Variants in ANKS1B observed in about 807,000 individuals in gnomAD.
The protein encoded by ANKS1B is ankyrin repeat and sterile alpha motif domain containing 1B.
Under a neutral mutation model 148.3 loss-of-function variants are expected in ANKS1B, and 36 were observed. The observed-to-expected ratio is 0.24, with a 90% CI of 0.19 to 0.32. The LOEUF is 0.32. Among genes scored for constraint, ANKS1B ranks in the 10% least tolerant of loss-of-function variants. The pLI is 1.00. For synonymous variants in ANKS1B, 542 were observed against 560.8 expected (o/e 0.97, Z 0.47); for missense variants, 1,157 against 1,542.6 (o/e 0.75, Z 4.19).
chr12:98,871,889 G>T (rs887933682), intron 17 of ANKS1B, among the ~76,000 whole-genome samples: 8 of 152,152 alleles, frequency 5.3e-5, no homozygotes, highest in African/African-American at 1.9e-4. Context: ...CTTGTACACT[G>T]TCACATGTCC....
chr12:98,855,672 A>T (rs1191865201), intron 17 of ANKS1B, among the ~76,000 whole-genome samples: 1 of 152,252 alleles, frequency 6.6e-6, no homozygotes, highest in Non-Finnish European at 1.5e-5. Context: ...CTGGCTTAAA[A>T]GCTGGGACTA....
At chr12:99,365,137 T>C (rs1200681971) in intron 12 of ANKS1B, among the ~76,000 whole-genome samples, 1 of 152,108 alleles carries the variant, frequency 6.6e-6, no homozygotes, top group African/African-American at 2.4e-5. Flanking sequence ...GCATCTTGGG[T>C]GCCAGTGGCT....
chr12:99,394,293 A>G (rs1327323028), intron 12 of ANKS1B, among the ~76,000 whole-genome samples: 1 of 152,118 alleles, frequency 6.6e-6, no homozygotes, highest in African/African-American at 2.4e-5. Flanking sequence ...TGCACCCACA[A>G]CCAAAACATC....
chr12:98,824,233 C>T (rs972393849), intron 19 of ANKS1B, among the ~76,000 whole-genome samples: 3 of 152,200 alleles, frequency 2.0e-5, no homozygotes, highest in African/African-American at 4.8e-5. Context: ...ACCCAGATCC[C>T]TCTGCATCGT....
chr12:99,109,688 G>T (rs527359764), intron 15 of ANKS1B, among the ~76,000 whole-genome samples: 1 of 152,256 alleles, frequency 6.6e-6, no homozygotes, highest in Admixed American at 6.5e-5. Context: ...AGAGAAGTAA[G>T]GTGTGACTAA....
chr12:99,144,662 A>C (rs2153806040), intron 15 of ANKS1B, among the ~76,000 whole-genome samples: 1 of 152,160 alleles, frequency 6.6e-6, no homozygotes, highest in East Asian at 1.9e-4. Flanking sequence ...GTGGATATAG[A>C]TACACATCCT....
intron 9 of ANKS1B, among the ~76,000 whole-genome samples, chr12:99,534,442 A>T (rs146121222): frequency 1.1e-3 from 173 of 152,350 alleles, no homozygotes; most frequent in African/African-American, 4.0e-3. Flanking sequence ...AAAAATAATG[A>T]TGAATCCATA....
chr12:99,686,414 C>T (rs1057361098), intron 8 of ANKS1B, among the ~76,000 whole-genome samples: 3 of 152,156 alleles, frequency 2.0e-5, no homozygotes, highest in African/African-American at 2.4e-5. Flanking sequence ...GATGGTTTCT[C>T]GACTTTGCTT....
At chr12:99,722,611 G>A (rs1567718103) in intron 8 of ANKS1B, among the ~76,000 whole-genome samples, 2 of 152,176 alleles carry the variant, frequency 1.3e-5, no homozygotes, top group Admixed American at 1.3e-4. Context: ...GCTCTGACTG[G>A]AGGTGTACAA....
intron 14 of ANKS1B, among the ~76,000 whole-genome samples, chr12:99,241,636 G>T (rs1370668760): frequency 1.3e-5 from 2 of 152,206 alleles, no homozygotes; most frequent in Admixed American, 6.5e-5. Flanking sequence ...GAACATTGAT[G>T]TGAAAATCCT....
chr12:98,891,768 T>C (rs1474932886), intron 17 of ANKS1B, among the ~76,000 whole-genome samples: 1 of 152,202 alleles, frequency 6.6e-6, no homozygotes, highest in Non-Finnish European at 1.5e-5. Flanking sequence ...TTTCAGTTTA[T>C]TGATATATAC....
intron 12 of ANKS1B, among the ~76,000 whole-genome samples, chr12:99,284,463 T>C (rs1317399464): frequency 1.3e-5 from 2 of 152,204 alleles, no homozygotes; most frequent in Non-Finnish European, 2.9e-5. Context: ...ATATTCCAAA[T>C]TATAAGTCCC....
intron 1 of ANKS1B, among the ~76,000 whole-genome samples, chr12:99,865,292 G>A (rs958735960): frequency 1.3e-5 from 2 of 152,112 alleles, no homozygotes; most frequent in Non-Finnish European, 2.9e-5. Context: ...GAGCTAACTA[G>A]TGTCATGTTA....
chr12:99,139,222 T>G (rs2069250278), intron 15 of ANKS1B, among the ~76,000 whole-genome samples: 1 of 144,912 alleles, frequency 6.9e-6, no homozygotes, highest in South Asian at 2.2e-4. Context: ...TTCCTTCTCT[T>G]TCTTTCCTTC....
At position 98,996,012 on chromosome 12, in the gene ANKS1B, CGAAGGACTAGAGGGAACAATTGCTG is replaced by C. The variant is rs1245998823; in HGVS notation, c.2778+57120_2778+57144del. On this transcript the variant is annotated intron_variant, in intron 17 of 26. Coordinates refer to ENST00000683438, the MANE Select transcript of ANKS1B (RefSeq NM_001352186.2). ...TAGCCATGGCTGGGGAAAGAACTAC[CGAAGGACTAGAGGGAACAATTGCTG>C]GAACTCATCTGGGGCTGGAATAGTT... is the stretch of plus-strand genomic sequence containing the variant. Among the ~76,000 whole-genome samples, 4 of 151,650 alleles carry C rather than the reference CGAAGGACTAGAGGGAACAATTGCTG, an allele frequency of 2.6e-5. No homozygotes were observed. The East Asian group carries it at 7.8e-4, about 29-fold the overall frequency.
At chr12:98,854,305 T>C (rs1354149426) in intron 17 of ANKS1B, among the ~76,000 whole-genome samples, 1 of 152,252 alleles carries the variant, frequency 6.6e-6, no homozygotes, top group African/African-American at 2.4e-5. Flanking sequence ...TGGTACTGTA[T>C]GGAACAATTT....
chr12:99,096,726 T>C (rs2056281827), intron 15 of ANKS1B, among the ~76,000 whole-genome samples: 1 of 152,198 alleles, frequency 6.6e-6, no homozygotes, highest in African/African-American at 2.4e-5. Flanking sequence ...CACTGAATAA[T>C]ATTACTCAAC....
At chr12:99,300,018 C>T (rs937382227) in intron 12 of ANKS1B, among the ~76,000 whole-genome samples, 5 of 152,052 alleles carry the variant, frequency 3.3e-5, no homozygotes, top group Admixed American at 1.3e-4. Context: ...AATTTTGGGA[C>T]AAGCCACATT....
At chr12:99,286,948 T>C (rs2154004897) in intron 12 of ANKS1B, among the ~76,000 whole-genome samples, 2 of 152,314 alleles carry the variant, frequency 1.3e-5, no homozygotes, top group Middle Eastern at 3.4e-3. Context: ...ATGGCATTTC[T>C]TGTCCCACTC....
Sources: allele counts gnomAD v4.1 joint callset (sites outside exome capture counted in the v4.1 genomes callset), GRCh38; gene constraint gnomAD v4.1.1; transcripts MANE v1.5; gene names NCBI Gene and HGNC (gene_info 2026-07-23, HGNC 2026-07-21).